GRM5: variants seen among roughly 807,000 people sequenced by gnomAD.
The protein encoded by GRM5 is glutamate metabotropic receptor 5, also known as metabotropic glutamate receptor 5.
A neutral mutation model predicts 83.1 loss-of-function variants in GRM5; 19 were observed. That is an observed-to-expected ratio of 0.23 (90% CI 0.16 to 0.34). GRM5 has a LOEUF of 0.34. Among genes scored for constraint, GRM5 ranks in the 10% least tolerant of loss-of-function variants. The pLI, the probability that GRM5 is intolerant of heterozygous loss-of-function variation, is 1.00. For synonymous variants in GRM5, 675 were observed against 633.6 expected (o/e 1.07, Z -0.98); for missense variants, 1,160 against 1,588.3 (o/e 0.73, Z 4.58).
chr11:88,647,174 A>G (rs928342372), intron 4 of GRM5, among the ~76,000 whole-genome samples: 1 of 151,932 alleles, frequency 6.6e-6, no homozygotes, highest in African/African-American at 2.4e-5. Context: ...AAAGACATCT[A>G]TCATACCGAA....
chr11:88,657,245 T>G (rs990500002), intron 3 of GRM5, among the ~76,000 whole-genome samples: 4 of 152,162 alleles, frequency 2.6e-5, no homozygotes, highest in Non-Finnish European at 5.9e-5. Context: ...TATTCACTAA[T>G]TTACTGTTTG....
intron 3 of GRM5, among the ~76,000 whole-genome samples, chr11:88,704,525 G>A (rs1047272385): frequency 2.0e-5 from 3 of 152,032 alleles, no homozygotes; most frequent in African/African-American, 4.8e-5. Context: ...GCATATAAGA[G>A]GAACTGCACA....
At chr11:88,773,165 C>G (rs1340802524) in intron 3 of GRM5, among the ~76,000 whole-genome samples, 1 of 152,168 alleles carries the variant, frequency 6.6e-6, no homozygotes, top group Non-Finnish European at 1.5e-5. Context: ...GATGGTATCT[C>G]ATTGTGGTTT....
intron 8 of GRM5, among the ~76,000 whole-genome samples, chr11:88,558,799 C>CAAAAAAAAAAAAAAAAAAA (rs71265014): frequency 4.6e-5 from 1 of 21,908 alleles, no homozygotes; most frequent in Non-Finnish European, 9.8e-5. Context: ...GACTCCATCT[C>CAAAAAAAAAAAAAAAAAAA]AAAAAAAAAA....
chr11:88,860,357 G>T (rs990639075), intron 2 of GRM5, among the ~76,000 whole-genome samples: 5 of 152,120 alleles, frequency 3.3e-5, no homozygotes, highest in Admixed American at 6.6e-5. Context: ...AGACTTCGGT[G>T]CATGTCTCAT....
At chr11:89,061,771 T>G (rs1941998819) in intron 1 of GRM5, among the ~76,000 whole-genome samples, 1 of 152,210 alleles carries the variant, frequency 6.6e-6, no homozygotes, top group Admixed American at 6.5e-5. Context: ...CAACTCCCTC[T>G]CCCAAATCAT....
At chr11:89,033,538 T>G (rs566563232) in intron 2 of GRM5, among the ~76,000 whole-genome samples, 1 of 152,112 alleles carries the variant, frequency 6.6e-6, no homozygotes, top group South Asian at 2.1e-4. Flanking sequence ...AAATTTTTCT[T>G]TTTTGTGTTT....
intron 7 of GRM5, among the ~76,000 whole-genome samples, chr11:88,580,117 T>C (rs923370857): frequency 6.6e-6 from 1 of 152,080 alleles, no homozygotes; most frequent in Non-Finnish European, 1.5e-5. Context: ...TCAGATGAAA[T>C]GTAATAGTAA....
chr11:89,054,311 C>T (rs1011601250), intron 1 of GRM5, among the ~76,000 whole-genome samples: 6 of 152,046 alleles, frequency 3.9e-5, no homozygotes, highest in East Asian at 1.9e-4. Flanking sequence ...TCAATGAGGA[C>T]GCCAAGATTT....
intron 4 of GRM5, among the ~76,000 whole-genome samples, chr11:88,638,359 T>C (rs1200457825): frequency 6.6e-6 from 1 of 152,170 alleles, no homozygotes; most frequent in Non-Finnish European, 1.5e-5. Context: ...AAATTTTGTT[T>C]AATATATTTA....
chr11:88,509,489 G>T lies in GRM5; in HGVS notation c.2742C>A (p.Ser914=). ...RATMSSSNGK[S]VTWAQNEKSS... is the part of the protein sequence containing the mutation. The stretch of plus-strand genomic sequence containing the variant: ...TCTTCTCATTCTGGGCCCACGTGAC[G>T]GATTTTCCATTGGAACTGAGGAGAG... Residue 914 remains serine, a synonymous_variant, in exon 10 of 10, where the codon TCC becomes TCA. Transcript: ENST00000305447. 2 of 1,611,612 alleles carry T rather than the reference G, an allele frequency of 1.2e-6. No individual in the cohort carries two copies. Among genetic ancestry groups the T allele is most frequent in the Non-Finnish European group, 1.7e-6 (2 of 1,179,284 alleles).
chr11:88,591,104 C>T (rs1220792734), intron 6 of GRM5, among the ~76,000 whole-genome samples: 1 of 152,130 alleles, frequency 6.6e-6, no homozygotes, highest in East Asian at 1.9e-4. Context: ...ACTTCTGCTC[C>T]CTGGATTTAC....
chr11:88,931,395 TA>T (rs1937700245), intron 2 of GRM5, among the ~76,000 whole-genome samples: 1 of 150,594 alleles, frequency 6.6e-6, no homozygotes, highest in Non-Finnish European at 1.5e-5. Flanking sequence ...CATGCAAAAT[TA>T]AAATGAACAC....
At chr11:88,952,112 G>A (rs1284141431) in intron 2 of GRM5, among the ~76,000 whole-genome samples, 2 of 82,510 alleles carry the variant, frequency 2.4e-5, no homozygotes, top group African/African-American at 6.3e-5. Context: ...TCCACCATGT[G>A]CACATACAAA....
chr11:88,606,942 T>G (rs1175149534), intron 4 of GRM5, among the ~76,000 whole-genome samples: 2 of 90,082 alleles, frequency 2.2e-5, no homozygotes, highest in Non-Finnish European at 4.0e-5. Context: ...AAGAAAGGTG[T>G]TTTTTTTTTT....
At chr11:88,837,278 T>G (rs910697830) in intron 3 of GRM5, among the ~76,000 whole-genome samples, 15 of 152,202 alleles carry the variant, frequency 9.9e-5, no homozygotes, top group African/African-American at 3.6e-4. Flanking sequence ...CAGAATGGTT[T>G]AGGATACAGG....
At chr11:88,981,836 A>G (rs1404082125) in intron 2 of GRM5, among the ~76,000 whole-genome samples, 1 of 152,200 alleles carries the variant, frequency 6.6e-6, no homozygotes, top group Non-Finnish European at 1.5e-5. Context: ...AGACAGCTAT[A>G]AGGGTTAAAT....
intron 3 of GRM5, among the ~76,000 whole-genome samples, chr11:88,703,627 T>C (rs1456369891): frequency 6.6e-6 from 1 of 152,012 alleles, no homozygotes; most frequent in Non-Finnish European, 1.5e-5. Flanking sequence ...AATTGAATCA[T>C]AGGGGCGGTT....
At chr11:88,770,655 A>G (rs946837329) in intron 3 of GRM5, among the ~76,000 whole-genome samples, 2 of 152,138 alleles carry the variant, frequency 1.3e-5, no homozygotes, top group African/African-American at 4.8e-5. Flanking sequence ...GATGGATGGT[A>G]TGTGTCACCA....
Sources: allele counts gnomAD v4.1 joint callset (sites outside exome capture counted in the v4.1 genomes callset), GRCh38; gene constraint gnomAD v4.1.1; transcripts MANE v1.5; gene names NCBI Gene and HGNC (gene_info 2026-07-23, HGNC 2026-07-21).